Variants in ROS1 observed in about 807,000 individuals in gnomAD.
ROS1 encodes the protein ROS proto-oncogene 1, receptor tyrosine kinase.
In ROS1, 263 loss-of-function variants were observed where a neutral mutation model predicts 273.5. That is an observed-to-expected ratio of 0.96 (90% CI 0.87 to 1.06). ROS1 has a LOEUF of 1.06. Among genes scored for constraint, ROS1 ranks in the 50% least tolerant of loss-of-function variants. ROS1 has a pLI of 0.00. For synonymous variants in ROS1, 1,008 were observed against 954.1 expected (o/e 1.06, Z -1.04); for missense variants, 2,833 against 2,751.1 (o/e 1.03, Z -0.67).
chr6:117,339,313 C>A (rs556823709), intron 31 of ROS1, among the ~76,000 whole-genome samples: 11 of 152,260 alleles, frequency 7.2e-5, no homozygotes, highest in African/African-American at 2.2e-4. Context: ...AGATTGGACA[C>A]CCCTGATCTA....
At chr6:117,353,932 T>C (rs1779083456) in intron 26 of ROS1, among the ~76,000 whole-genome samples, 1 of 152,126 alleles carries the variant, frequency 6.6e-6, no homozygotes, top group Non-Finnish European at 1.5e-5. Flanking sequence ...GCAGTGTCTT[T>C]ATGGGGGCAA....
chr6:117,345,400 C>A, intron 27 of ROS1, among the ~76,000 whole-genome samples: 1 of 152,232 alleles, frequency 6.6e-6, no homozygotes, highest in East Asian at 1.9e-4. Flanking sequence ...TACCAGTGCA[C>A]TAGCCACATG....
chr6:117,321,231 C>T (rs776728226), intron 36 of ROS1, 28 bp downstream of exon 36: 27 of 1,604,686 alleles, frequency 1.7e-5, no homozygotes, highest in Non-Finnish European at 2.3e-5. Context: ...TGCCTAGGTG[C>T]TCCATAATGA....
chr6:117,408,466 C>T (rs1158734708), intron 5 of ROS1, among the ~76,000 whole-genome samples: 2 of 152,292 alleles, frequency 1.3e-5, no homozygotes, highest in East Asian at 1.9e-4. Context: ...TGAAAAAATG[C>T]TCATCATCAC....
intron 18 of ROS1, among the ~76,000 whole-genome samples, chr6:117,367,907 G>A (rs1488507687): frequency 1.3e-5 from 2 of 152,002 alleles, no homozygotes; most frequent in Non-Finnish European, 1.5e-5. Context: ...AATCAATCCC[G>A]AAGGCATGGT....
At chr6:117,398,330 C>T (rs1562364872) in intron 7 of ROS1, among the ~76,000 whole-genome samples, 1 of 151,962 alleles carries the variant, frequency 6.6e-6, no homozygotes, top group African/African-American at 2.4e-5. Flanking sequence ...CCTTGTCTGA[C>T]AATCATTCCT....
chr6:117,369,677 A>C (rs1780593428), intron 18 of ROS1, among the ~76,000 whole-genome samples: 1 of 152,182 alleles, frequency 6.6e-6, no homozygotes, highest in African/African-American at 2.4e-5. Context: ...TCTATGTCTC[A>C]CTTTAGACAG....
chr6:117,306,407 G>T (rs1279711072), intron 42 of ROS1, among the ~76,000 whole-genome samples: 2 of 152,096 alleles, frequency 1.3e-5, no homozygotes, highest in Non-Finnish European at 2.9e-5. Context: ...TAAAACCCCA[G>T]AAAGCTCTCA....
chr6:117,366,130 G>A lies in ROS1; in HGVS notation c.2743C>T (p.Pro915Ser), dbSNP rs774104513. ...ATTGTGAACTGATTAAATCTGGCTG[G>A]TTCCAAAACAGAGACACTGGTTTTC... ...GQKTSVSVLE[P>S]ARFNQFTIIQ... The change falls in exon 19 of 44, where the codon CCA (proline) becomes TCA (serine). Residue 915 changes from proline to serine, a missense_variant. Physicochemically the swap from Pro to Ser is moderately conservative, Grantham distance 74. Transcript: ENST00000368507. The A allele has an allele frequency of 1.2e-6, 2 of 1,614,132 alleles. No individual in the cohort carries two copies. Among genetic ancestry groups the A allele is most frequent in the Non-Finnish European group, 1.7e-6 (2 of 1,179,992 alleles).
At chr6:117,365,851 A>G in intron 19 of ROS1, 110 bp from the exon 20 acceptor site, 3 of 1,013,506 alleles carry the variant, frequency 3.0e-6, no homozygotes, top group Non-Finnish European at 4.2e-6. Flanking sequence ...ACTGAAACAA[A>G]ATTTTTCTTT....
In ROS1 at chr6:117,337,304, A is replaced by G. The variant is rs143981354; in HGVS notation, c.5098T>C (p.Cys1700Arg). The change falls in exon 32 of 44, where the codon TGC (cysteine) becomes CGC (arginine). Residue 1700 changes from cysteine to arginine, a missense_variant. Coordinates refer to ENST00000368507, the MANE Select transcript of ROS1 (RefSeq NM_001378902.1). ...CAGACATAAGCAGGACCTTGGCTGC[A>G]TGAAGTTTTAACATGGTAAAACTCA... ...YNEFYHVKTS[C>R]SQGPAYVCNI... is the part of the protein sequence containing the mutation. 5.0e-5 allele frequency: 81 copies of G among 1,611,524 alleles called. No individual in the cohort carries two copies. Among genetic ancestry groups the G allele is most frequent in the Non-Finnish European group, 6.4e-5 (75 of 1,178,720 alleles).
chr6:117,307,532 T>C (rs1323254568), intron 42 of ROS1, among the ~76,000 whole-genome samples: 2 of 152,160 alleles, frequency 1.3e-5, no homozygotes, highest in Non-Finnish European at 1.5e-5. Flanking sequence ...AAATTTTGTA[T>C]AATTTCTTAT....
intron 3 of ROS1, among the ~76,000 whole-genome samples, chr6:117,415,120 T>A (rs1033476642): frequency 1.3e-5 from 2 of 152,230 alleles, no homozygotes; most frequent in Non-Finnish European, 2.9e-5. Flanking sequence ...CATGTTGGGA[T>A]AAAAGATACT....
intron 18 of ROS1, among the ~76,000 whole-genome samples, chr6:117,368,564 T>A (rs1201009118): frequency 6.6e-6 from 1 of 152,176 alleles, no homozygotes; most frequent in Non-Finnish European, 1.5e-5. Flanking sequence ...ACTAGCTACA[T>A]GTGACTACGG....
chr6:117,337,326 C>A lies in ROS1; in HGVS notation c.5076G>T (p.Glu1692Asp). 6.3e-7 allele frequency: 1 copy of A among 1,596,472 alleles called. No individual in the cohort carries two copies. The change falls in exon 32 of 44, where the codon GAG becomes GAT. Residue 1692 changes from glutamate (E) to aspartate (D), a missense_variant. Glu to Asp is a conservative substitution (Grantham distance 45). Transcript: ENST00000368507. The stretch of plus-strand genomic sequence containing the variant: ...TGCATGAAGTTTTAACATGGTAAAA[C>A]TCATTGTATTTCCACTAGAAAAAGA... ...WVELQKWKYN[E>D]FYHVKTSCSQ... is the part of the protein sequence containing the mutation.
intron 39 of ROS1, among the ~76,000 whole-genome samples, chr6:117,315,824 C>A (rs899461611): frequency 5.3e-5 from 8 of 152,076 alleles, no homozygotes; most frequent in African/African-American, 1.9e-4. Context: ...AGAGCACAAG[C>A]ATCCACACTG....
intron 7 of ROS1, among the ~76,000 whole-genome samples, chr6:117,399,876 C>T (rs3777975): frequency 0.064 from 9,682 of 152,318 alleles, 379 homozygotes; most frequent in Middle Eastern, 0.095. Flanking sequence ...CACTCATTCT[C>T]TCAATCTATT....
intron 33 of ROS1, chr6:117,328,749 C>G (rs1035334008): frequency 6.2e-5 from 38 of 613,690 alleles, no homozygotes; most frequent in African/African-American, 5.7e-4. Context: ...ACGTGCTCCC[C>G]GTACTGGCCA....
chr6:117,402,763 C>A (rs904977662), intron 7 of ROS1, among the ~76,000 whole-genome samples: 3 of 151,846 alleles, frequency 2.0e-5, no homozygotes, highest in Non-Finnish European at 4.4e-5. Context: ...GTAGTGCATG[C>A]CTGAGTCCCA....
Sources: gnomAD v4.1 joint callset for allele counts (sites outside exome capture counted in the v4.1 genomes callset) on GRCh38, gnomAD v4.1.1 for gene constraint, MANE v1.5 for transcripts, NCBI Gene and HGNC (gene_info 2026-07-23, HGNC 2026-07-21) for gene names.